CNTN5: variants seen among roughly 807,000 people sequenced by gnomAD.
CNTN5 encodes contactin 5, also known as contactin-5.
A neutral mutation model predicts 129.1 loss-of-function variants in CNTN5; 77 were observed. The ratio of observed to expected loss-of-function variants is 0.60; its 90% CI spans 0.50 to 0.72. The LOEUF is 0.72. Ranked by LOEUF, CNTN5 falls within the 30% of genes least tolerant of loss-of-function variation. The pLI, the probability that CNTN5 is intolerant of heterozygous loss-of-function variation, is 0.00. For synonymous variants in CNTN5, 509 were observed against 465.6 expected (o/e 1.09, Z -1.20); for missense variants, 1,478 against 1,328.8 (o/e 1.11, Z -1.75).
At chr11:100,296,458 A>G (rs975382412) in intron 18 of CNTN5, among the ~76,000 whole-genome samples, 24 of 151,570 alleles carry the variant, frequency 1.6e-4, no homozygotes, top group African/African-American at 5.6e-4. Context: ...AATAATCCTC[A>G]GTATGTATGT....
chr11:99,980,375 C>T (rs955802659), intron 8 of CNTN5, among the ~76,000 whole-genome samples: 1 of 152,144 alleles, frequency 6.6e-6, no homozygotes, highest in African/African-American at 2.4e-5. Flanking sequence ...ATTTGTTGAG[C>T]TGAGATAGGA....
At chr11:100,284,240 T>G (rs983898011) in intron 18 of CNTN5, among the ~76,000 whole-genome samples, 1 of 152,228 alleles carries the variant, frequency 6.6e-6, no homozygotes, top group Non-Finnish European at 1.5e-5. Flanking sequence ...GCTCACCTGA[T>G]TTTTGGTTCT....
At chr11:99,771,837 T>C (rs2028468) in intron 3 of CNTN5, among the ~76,000 whole-genome samples, 1,812 of 152,094 alleles carry the variant, frequency 0.012, 103 homozygotes, top group Admixed American at 0.084. Context: ...GTGATAGATA[T>C]ACATTGAGTA....
At position 99,612,732 on chromosome 11, in the gene CNTN5, C is replaced by CT. The variant is rs539993362; in HGVS notation, c.55+56468dup. Reference sequence around the variant, plus strand: ...CTTTATGCATTCAATGACTCATTCCCTTTTTCATATAACATTTCATATGAT... The same window carrying CT: ...CTTTATGCATTCAATGACTCATTCCCTTTTTTCATATAACATTTCATATGAT... On this transcript the variant is annotated intron_variant, in intron 3 of 24. Coordinates refer to ENST00000524871, the MANE Select transcript of CNTN5 (RefSeq NM_014361.4). Among the ~76,000 whole-genome samples, 7 of 152,246 alleles carry CT rather than the reference C, an allele frequency of 4.6e-5. No individual in the cohort carries two copies. The South Asian group carries it at 1.5e-3, about 32-fold the overall frequency.
chr11:100,092,910 A>G (rs1394186127), intron 13 of CNTN5, among the ~76,000 whole-genome samples: 1 of 152,080 alleles, frequency 6.6e-6, no homozygotes, highest in African/African-American at 2.4e-5. Flanking sequence ...TGTGCTTTTT[A>G]ACATATAGGC....
intron 1 of CNTN5, among the ~76,000 whole-genome samples, chr11:99,227,432 G>A (rs564376060): frequency 2.6e-5 from 4 of 151,584 alleles, no homozygotes; most frequent in Admixed American, 6.6e-5. Context: ...TCAATTTATC[G>A]TGTAGAGGAA....
intron 1 of CNTN5, among the ~76,000 whole-genome samples, chr11:99,153,599 A>C (rs1012999809): frequency 6.6e-6 from 1 of 151,206 alleles, no homozygotes; most frequent in African/African-American, 2.4e-5. Flanking sequence ...GAATCTTGAT[A>C]ATCTTCATTT....
At chr11:99,391,814 G>A (rs1941275665) in intron 2 of CNTN5, among the ~76,000 whole-genome samples, 1 of 151,700 alleles carries the variant, frequency 6.6e-6, no homozygotes, top group Non-Finnish European at 1.5e-5. Flanking sequence ...TGTTTCCCTG[G>A]GATACCCTTG....
chr11:99,582,522 T>G (rs1216492009), intron 3 of CNTN5, among the ~76,000 whole-genome samples: 1 of 152,210 alleles, frequency 6.6e-6, no homozygotes, highest in Non-Finnish European at 1.5e-5. Context: ...GCTTTGTTCA[T>G]TTCTTTTTAT....
chr11:100,145,541 G>A (rs773470635), intron 13 of CNTN5, among the ~76,000 whole-genome samples: 69 of 152,110 alleles, frequency 4.5e-4, no homozygotes, highest in Non-Finnish European at 3.4e-4. Context: ...AGCCTCTGGG[G>A]AATCATCACT....
intron 8 of CNTN5, among the ~76,000 whole-genome samples, chr11:99,988,414 T>C (rs1355555925): frequency 6.6e-6 from 1 of 152,220 alleles, no homozygotes; most frequent in Non-Finnish European, 1.5e-5. Flanking sequence ...AATTACTGTG[T>C]AGATTGGTAG....
chr11:99,076,853 A>G (rs1865597756), intron 1 of CNTN5, among the ~76,000 whole-genome samples: 1 of 152,196 alleles, frequency 6.6e-6, no homozygotes, highest in Admixed American at 6.5e-5. Context: ...CAGGGAAAAT[A>G]GTTCTGTATT....
chr11:99,453,459 G>C (rs746387262), intron 2 of CNTN5, among the ~76,000 whole-genome samples: 1 of 152,158 alleles, frequency 6.6e-6, no homozygotes, highest in Non-Finnish European at 1.5e-5. Context: ...TTAGGGAATG[G>C]AAGAGTGAAT....
intron 1 of CNTN5, among the ~76,000 whole-genome samples, chr11:99,130,081 T>A (rs560233156): frequency 7.4e-4 from 113 of 152,278 alleles, no homozygotes; most frequent in African/African-American, 2.6e-3. Flanking sequence ...CCAGCCAACA[T>A]TATGATGACA....
chr11:99,366,523 C>T (rs1281075318), intron 2 of CNTN5, among the ~76,000 whole-genome samples: 1 of 151,952 alleles, frequency 6.6e-6, no homozygotes, highest in Non-Finnish European at 1.5e-5. Context: ...AATATTTTTG[C>T]AAAAAGACAA....
intron 2 of CNTN5, among the ~76,000 whole-genome samples, chr11:99,356,363 G>A (rs112242432): frequency 6.6e-6 from 1 of 152,086 alleles, no homozygotes; most frequent in African/African-American, 2.4e-5. Context: ...ATTTAACCAG[G>A]CAGGAGGAAA....
At chr11:99,402,179 C>T (rs561966495) in intron 2 of CNTN5, among the ~76,000 whole-genome samples, 1 of 152,262 alleles carries the variant, frequency 6.6e-6, no homozygotes, top group South Asian at 2.1e-4. Context: ...AGTATTTCCC[C>T]ATTCAGTATG....
intron 13 of CNTN5, among the ~76,000 whole-genome samples, chr11:100,150,563 T>A (rs1565289879): frequency 6.6e-6 from 1 of 152,058 alleles, no homozygotes; most frequent in East Asian, 1.9e-4. Flanking sequence ...TAATTTTAGT[T>A]ATTTTTTGTG....
At chr11:100,309,120 C>T in intron 21 of CNTN5, 1 of 984,974 alleles carries the variant, frequency 1.0e-6, no homozygotes, top group Non-Finnish European at 1.2e-6. Context: ...CTTGTTCTTG[C>T]CTTGCTTGGC....
Sources: gnomAD v4.1 joint callset for allele counts (sites outside exome capture counted in the v4.1 genomes callset) on GRCh38, gnomAD v4.1.1 for gene constraint, MANE v1.5 for transcripts, NCBI Gene and HGNC (gene_info 2026-07-23, HGNC 2026-07-21) for gene names.